Variants in ROBO2 observed in about 807,000 individuals in gnomAD.
The protein encoded by ROBO2 is roundabout guidance receptor 2.
In ROBO2, 53 loss-of-function variants were observed where a neutral mutation model predicts 160.8. The observed-to-expected ratio is 0.33, with a 90% CI of 0.26 to 0.41. The LOEUF (loss-of-function observed/expected upper bound fraction) is 0.41, where lower values mean the gene tolerates loss of function less well. Ranked by LOEUF, ROBO2 falls within the 10% of genes least tolerant of loss-of-function variation. ROBO2 has a pLI of 1.00. For synonymous variants in ROBO2, 664 were observed against 611.7 expected (o/e 1.09, Z -1.26); for missense variants, 1,577 against 1,722.4 (o/e 0.92, Z 1.49).
intron 2 of ROBO2, among the ~76,000 whole-genome samples, chr3:76,425,679 C>T (rs570192071): frequency 2.6e-5 from 4 of 152,114 alleles, no homozygotes; most frequent in Non-Finnish European, 5.9e-5. Context: ...TTCTGACTTT[C>T]CTCATAGACT....
At chr3:77,001,261 A>G (rs575435223) in intron 2 of ROBO2, among the ~76,000 whole-genome samples, 6 of 152,306 alleles carry the variant, frequency 3.9e-5, no homozygotes, top group African/African-American at 1.4e-4. Context: ...AATGTCAGCT[A>G]ATGCCAGTAG....
At chr3:77,459,793 T>C (rs949503040) in intron 2 of ROBO2, among the ~76,000 whole-genome samples, 4 of 151,968 alleles carry the variant, frequency 2.6e-5, no homozygotes, top group Non-Finnish European at 5.9e-5. Context: ...AGGAAGTAAC[T>C]GGCCTTGCTA....
intron 2 of ROBO2, among the ~76,000 whole-genome samples, chr3:76,330,653 C>CT (rs1167006492): frequency 6.6e-6 from 1 of 152,124 alleles, no homozygotes; most frequent in Non-Finnish European, 1.5e-5. Context: ...GTGCAAGAAA[C>CT]TAAGGTTTGA....
At chr3:77,572,881 T>A (rs905233375) in intron 13 of ROBO2, among the ~76,000 whole-genome samples, 1 of 152,042 alleles carries the variant, frequency 6.6e-6, no homozygotes, top group Non-Finnish European at 1.5e-5. Context: ...GTTTTGTTTA[T>A]AAACTGCCGA....
intron 3 of ROBO2, among the ~76,000 whole-genome samples, chr3:77,480,302 C>CAAA (rs34989735): frequency 7.5e-5 from 11 of 145,786 alleles, no homozygotes; most frequent in Non-Finnish European, 7.5e-5. Flanking sequence ...AAATGAGTAC[C>CAAA]AAAAAAAAAA....
At chr3:77,331,830 C>T (rs767203308) in intron 2 of ROBO2, among the ~76,000 whole-genome samples, 16 of 152,188 alleles carry the variant, frequency 1.1e-4, no homozygotes, top group Admixed American at 4.6e-4. Context: ...CTCAGCCTCC[C>T]GAGTAGCTGG....
intron 2 of ROBO2, among the ~76,000 whole-genome samples, chr3:77,129,813 C>T (rs1265387616): frequency 2.0e-5 from 3 of 152,062 alleles, no homozygotes; most frequent in Non-Finnish European, 4.4e-5. Context: ...TGGCAGCAGA[C>T]CACCAAAGAG....
intron 2 of ROBO2, among the ~76,000 whole-genome samples, chr3:76,929,355 C>G (rs2077190645): frequency 6.6e-6 from 1 of 152,168 alleles, no homozygotes; most frequent in African/African-American, 2.4e-5. Context: ...ATTCTAGTTG[C>G]TCAGGCCAGA....
chr3:76,552,055 G>A (rs557286860), intron 2 of ROBO2, among the ~76,000 whole-genome samples: 19 of 152,202 alleles, frequency 1.2e-4, no homozygotes, highest in Non-Finnish European at 2.4e-4. Flanking sequence ...CGGCTGGCAC[G>A]GCAACACCCC....
chr3:75,963,430 C>T (rs1948995009), intron 2 of ROBO2, among the ~76,000 whole-genome samples: 1 of 151,824 alleles, frequency 6.6e-6, no homozygotes, highest in Non-Finnish European at 1.5e-5. Flanking sequence ...CTTCCAGCCT[C>T]AAGTGATCCT....
At chr3:76,903,019 GT>G (rs1334728849) in intron 2 of ROBO2, among the ~76,000 whole-genome samples, 2 of 151,516 alleles carry the variant, frequency 1.3e-5, no homozygotes, top group Non-Finnish European at 1.5e-5. Flanking sequence ...CACTATTCTT[GT>G]TTTACAAGGA....
At chr3:77,499,098 C>A (rs191254904) in intron 5 of ROBO2, among the ~76,000 whole-genome samples, 1 of 152,270 alleles carries the variant, frequency 6.6e-6, no homozygotes, top group African/African-American at 2.4e-5. Context: ...ACTGTGGGAC[C>A]TTTTAATACA....
chr3:76,194,371 T>TAC (rs1267776253), intron 2 of ROBO2, among the ~76,000 whole-genome samples: 3 of 122,148 alleles, frequency 2.5e-5, no homozygotes, highest in African/African-American at 1.0e-4. Context: ...TATATATATA[T>TAC]ATATATATAT....
intron 2 of ROBO2, among the ~76,000 whole-genome samples, chr3:76,001,379 A>C (rs1392599066): frequency 6.6e-6 from 1 of 152,166 alleles, no homozygotes; most frequent in African/African-American, 2.4e-5. Context: ...GATTACTTAG[A>C]TACACAACAC....
chr3:76,115,549 T>C (rs1387602367), intron 2 of ROBO2, among the ~76,000 whole-genome samples: 1 of 152,108 alleles, frequency 6.6e-6, no homozygotes, highest in African/African-American at 2.4e-5. Context: ...TAAAAATAGA[T>C]TCTTCCATAT....
chr3:75,933,415 G>T (rs1484159325), intron 1 of ROBO2, among the ~76,000 whole-genome samples: 1 of 152,156 alleles, frequency 6.6e-6, no homozygotes. Flanking sequence ...CCATCAACCT[G>T]CAGGCTCACT....
intron 2 of ROBO2, among the ~76,000 whole-genome samples, chr3:77,231,056 C>G (rs1029997328): frequency 6.6e-6 from 1 of 151,536 alleles, no homozygotes; most frequent in Admixed American, 6.6e-5. Context: ...CTGGGATCTA[C>G]TTTCTCACTA....
At chr3:77,135,805 CA>C (rs2076232541) in intron 2 of ROBO2, among the ~76,000 whole-genome samples, 1 of 152,168 alleles carries the variant, frequency 6.6e-6, no homozygotes, top group Admixed American at 6.5e-5. Flanking sequence ...TTATTTTAAT[CA>C]TTTTCCATCA....
chr3:76,277,657 A>C (rs1708005203), intron 2 of ROBO2, among the ~76,000 whole-genome samples: 2 of 151,964 alleles, frequency 1.3e-5, no homozygotes, highest in Admixed American at 1.3e-4. Flanking sequence ...TATTTTCATC[A>C]ATAATACAGT....
Sources: allele counts gnomAD v4.1 joint callset (sites outside exome capture counted in the v4.1 genomes callset), GRCh38; gene constraint gnomAD v4.1.1; transcripts MANE v1.5; gene names NCBI Gene and HGNC (gene_info 2026-07-23, HGNC 2026-07-21).